Variants in ABHD3 observed in about 807,000 individuals in gnomAD.
ABHD3 encodes the protein phospholipase ABHD3.
Under a neutral mutation model 48.8 loss-of-function variants are expected in ABHD3, and 46 were observed. That is an observed-to-expected ratio of 0.94 (90% CI 0.74 to 1.20). ABHD3 has a LOEUF of 1.20. ABHD3 is among the 50% of genes most tolerant of loss of function. The probability of loss-of-function intolerance (pLI) is 0.00; values close to 1 mark genes in which losing one functional copy is unlikely to be tolerated. For missense variants in ABHD3, 490 were observed against 497.8 expected (o/e 0.98, Z 0.15); for synonymous variants, 192 against 183.7 (o/e 1.04, Z -0.36).
intron 4 of ABHD3, among the ~76,000 whole-genome samples, chr18:21,674,707 T>A (rs2039836684): frequency 6.6e-6 from 1 of 152,184 alleles, no homozygotes; most frequent in African/African-American, 2.4e-5. Context: ...GAACAGGTTA[T>A]TTTTGAAGCA....
chr18:21,688,201 T>G (rs966303073), intron 3 of ABHD3, among the ~76,000 whole-genome samples: 2 of 152,182 alleles, frequency 1.3e-5, no homozygotes, highest in African/African-American at 4.8e-5. Flanking sequence ...GCAGTGAAAC[T>G]TCCATGGGTT....
At chr18:21,658,861 C>T (rs1219089612) in intron 6 of ABHD3, among the ~76,000 whole-genome samples, 8 of 137,346 alleles carry the variant, frequency 5.8e-5, no homozygotes, top group Non-Finnish European at 1.2e-4. Flanking sequence ...TTTTTTGAGA[C>T]GGAGTCTTGC....
intron 8 of ABHD3, among the ~76,000 whole-genome samples, chr18:21,656,512 T>C (rs1157438403): frequency 1.3e-5 from 2 of 152,202 alleles, no homozygotes; most frequent in East Asian, 1.9e-4. Flanking sequence ...AATTCTTCTT[T>C]ATAGGAATCT....
chr18:21,667,565 C>T (rs1177773129), intron 4 of ABHD3, among the ~76,000 whole-genome samples: 1 of 151,952 alleles, frequency 6.6e-6, no homozygotes, highest in Admixed American at 6.6e-5. Context: ...TTAACAATTG[C>T]CTCAATTAAA....
At position 21,697,037 on chromosome 18, in the gene ABHD3, G is replaced by A. The variant is rs191457075; in HGVS notation, c.509+5279C>T. 6.6e-5 allele frequency among the ~76,000 whole-genome samples: 10 copies of A among 150,880 alleles called. No homozygotes were observed. The East Asian group carries it at 1.9e-3, about 29-fold the overall frequency. ...GTGAAGATGGACAGGTTATCTTCAT[G>A]TAGGCAGGCCAAACATTTCCCATCT... On this transcript the variant is annotated intron_variant, in intron 3 of 8. Coordinates refer to ENST00000289119, the MANE Select transcript of ABHD3 (RefSeq NM_138340.5).
At chr18:21,668,486 C>T (rs962148484) in intron 4 of ABHD3, among the ~76,000 whole-genome samples, 2 of 151,940 alleles carry the variant, frequency 1.3e-5, no homozygotes, top group South Asian at 2.1e-4. Flanking sequence ...GAAAAATGCC[C>T]TAAGGAAAAT....
At chr18:21,691,231 A>G (rs1370827521) in intron 3 of ABHD3, among the ~76,000 whole-genome samples, 2 of 152,200 alleles carry the variant, frequency 1.3e-5, no homozygotes, top group African/African-American at 4.8e-5. Flanking sequence ...AGGAAGACTA[A>G]CAATCTTAAA....
Position 21,659,337 on chromosome 18 carries a change from C to G in ABHD3, c.675G>C (p.Leu225=), listed in dbSNP as rs2039430870. The G allele has an allele frequency of 2.5e-6, 4 of 1,606,910 alleles. No individual in the cohort carries two copies. Among genetic ancestry groups the G allele is most frequent in the Admixed American group, 1.7e-5 (1 of 57,982 alleles). ...CAATTTTGCCCAAGTAATTTAGAAG[C>G]AGCATTCTAAAATGGGGAGAAACAG... ...LAAGVSMGGM[L]LLNYLGKIGS... is the part of the protein sequence containing the mutation. The change falls in exon 6 of 9, where the codon CTG becomes CTC. Residue 225 remains leucine (L), a synonymous_variant. Coordinates refer to ENST00000289119, the MANE Select transcript of ABHD3 (RefSeq NM_138340.5).
At chr18:21,700,573 AT>A (rs1168107525) in intron 3 of ABHD3, among the ~76,000 whole-genome samples, 5 of 149,210 alleles carry the variant, frequency 3.4e-5, no homozygotes, top group African/African-American at 1.2e-4. Flanking sequence ...TAATTTTTGT[AT>A]TTTTTAGTAG....
At chr18:21,667,589 C>T (rs2039664135) in intron 4 of ABHD3, among the ~76,000 whole-genome samples, 2 of 152,086 alleles carry the variant, frequency 1.3e-5, no homozygotes, top group South Asian at 2.1e-4. Flanking sequence ...ATCCCTAAAA[C>T]ACAGCCTATT....
At chr18:21,684,648 A>G (rs967344032) in intron 3 of ABHD3, among the ~76,000 whole-genome samples, 2 of 152,216 alleles carry the variant, frequency 1.3e-5, no homozygotes, top group East Asian at 3.9e-4. Flanking sequence ...ACAAAGAAAA[A>G]ATATATATCC....
intron 3 of ABHD3, 58 bp downstream of exon 3, chr18:21,702,258 A>G: frequency 7.3e-7 from 1 of 1,361,564 alleles, no homozygotes; most frequent in Non-Finnish European, 9.9e-7. Flanking sequence ...ACATGTAGAT[A>G]TATTTGTACT....
intron 2 of ABHD3, 125 bp downstream of exon 2, chr18:21,703,459 T>C: frequency 8.7e-7 from 1 of 1,153,726 alleles, no homozygotes; most frequent in Non-Finnish European, 1.2e-6. Context: ...TCCATTTTCA[T>C]TCCCTCTTTC....
At chr18:21,668,217 A>AAAG (rs1555679499) in intron 4 of ABHD3, among the ~76,000 whole-genome samples, 1 of 137,568 alleles carries the variant, frequency 7.3e-6, no homozygotes, top group Non-Finnish European at 1.6e-5. Flanking sequence ...AAAAAAAAAA[A>AAAG]AAAGAAAGAA....
At chr18:21,704,369 G>A (rs370243552) in intron 1 of ABHD3, 135 bp downstream of exon 1, 6 of 980,252 alleles carry the variant, frequency 6.1e-6, no homozygotes, top group Non-Finnish European at 6.6e-6. Flanking sequence ...GCGCGCGCTG[G>A]GGGCTGCCGC....
At chr18:21,697,578 G>C (rs1454887363) in intron 3 of ABHD3, among the ~76,000 whole-genome samples, 2 of 151,756 alleles carry the variant, frequency 1.3e-5, no homozygotes, top group Non-Finnish European at 2.9e-5. Context: ...ACAAGGTTTC[G>C]CCATGTTGGC....
In ABHD3 at chr18:21,653,077, A is replaced by AAG. The variant is rs1555677347; in HGVS notation, c.1058-1315_1058-1314insCT. Among the ~76,000 whole-genome samples, 70 of 76,152 alleles carry AAG rather than the reference A, an allele frequency of 9.2e-4. 23 individuals carry two copies. Among genetic ancestry groups the AAG allele is most frequent in the African/African-American group, 4.6e-3 (65 of 14,274 alleles). 50.0% of individuals were successfully genotyped at this position (76,152 alleles called of 152,430 possible). ...CAAAAAAAAAAAAAAAAAAAAAAAA[A>AAG]AAAGAGCTGGGTGTGGTGGCTCACG... On this transcript the variant is annotated intron_variant, in intron 8 of 8. Coordinates refer to ENST00000289119, the MANE Select transcript of ABHD3 (RefSeq NM_138340.5).
chr18:21,663,969 T>C, intron 5 of ABHD3, 149 bp downstream of exon 5: 6 of 1,431,198 alleles, frequency 4.2e-6, no homozygotes, highest in Non-Finnish European at 4.6e-6. Context: ...CCTTCGTTCA[T>C]TCAATCAACC....
At chr18:21,658,820 A>C in intron 6 of ABHD3, among the ~76,000 whole-genome samples, 1 of 151,852 alleles carries the variant, frequency 6.6e-6, no homozygotes, top group Non-Finnish European at 1.5e-5. Context: ...TGGGGCATGT[A>C]ATCATTTGGA....
Sources: gnomAD v4.1 joint callset for allele counts (sites outside exome capture counted in the v4.1 genomes callset) on GRCh38, gnomAD v4.1.1 for gene constraint, MANE v1.5 for transcripts, NCBI Gene and HGNC (gene_info 2026-07-23, HGNC 2026-07-21) for gene names.